Variants in TRIM71 observed in about 807,000 individuals in gnomAD.
TRIM71 encodes the protein tripartite motif containing 71, also known as E3 ubiquitin-protein ligase TRIM71.
In TRIM71, 9 loss-of-function variants were observed where a neutral mutation model predicts 61.2. That is an observed-to-expected ratio of 0.15 (90% CI 0.09 to 0.26). The LOEUF (loss-of-function observed/expected upper bound fraction) is 0.26, where lower values mean the gene tolerates loss of function less well. TRIM71 is among the 10% of genes least tolerant of loss of function. TRIM71 has a pLI of 1.00. For synonymous variants in TRIM71, 645 were observed against 553.2 expected (o/e 1.17, Z -2.33); for missense variants, 998 against 1,238.7 (o/e 0.81, Z 2.92).
intron 1 of TRIM71, among the ~76,000 whole-genome samples, chr3:32,858,107 G>T (rs1696627124): frequency 6.6e-6 from 1 of 152,178 alleles, no homozygotes; most frequent in African/African-American, 2.4e-5. Context: ...GTTTAGTCTT[G>T]CTGTCTTAGG....
intron 1 of TRIM71, among the ~76,000 whole-genome samples, chr3:32,856,898 A>G (rs1239560707): frequency 6.6e-6 from 1 of 152,116 alleles, no homozygotes; most frequent in Admixed American, 6.5e-5. Flanking sequence ...ATGTACTCTC[A>G]GGATGAATTC....
At chr3:32,850,644 T>A (rs1417347362) in intron 1 of TRIM71, among the ~76,000 whole-genome samples, 1 of 152,196 alleles carries the variant, frequency 6.6e-6, no homozygotes, top group Non-Finnish European at 1.5e-5. Context: ...AAAAATAACC[T>A]TTAAGGAAGA....
intron 1 of TRIM71, among the ~76,000 whole-genome samples, chr3:32,833,723 T>G (rs892294889): frequency 6.6e-6 from 1 of 151,526 alleles, no homozygotes; most frequent in Non-Finnish European, 1.5e-5. Flanking sequence ...TGACCTGACT[T>G]TTTTGTTTGA....
chr3:32,885,332 A>T (rs556014679), intron 2 of TRIM71, among the ~76,000 whole-genome samples: 8 of 152,332 alleles, frequency 5.3e-5, no homozygotes, highest in Non-Finnish European at 1.2e-4. Flanking sequence ...CGGCTGGTAC[A>T]GGGTGGCGTG....
Position 32,818,521 on chromosome 3 carries a change from C to T in TRIM71, c.441C>T (p.Ser147=), listed in dbSNP as rs866841727. ...CTCCGGCGGGAGCGGGCGGCCACAGCAACCACCGGCACCACGCTCACCACG... is the reference window on the plus strand; with the variant it reads ...CTCCGGCGGGAGCGGGCGGCCACAGTAACCACCGGCACCACGCTCACCACG... The part of the protein sequence containing the change: ...AGAPAGAGGH[S]NHRHHAHHAH... The change falls in exon 1 of 4, where the codon AGC becomes AGT. Residue 147 remains serine (S), a synonymous_variant. Coordinates refer to ENST00000383763, the MANE Select transcript of TRIM71 (RefSeq NM_001039111.3). The T allele has an allele frequency of 9.2e-6, 13 of 1,410,050 alleles. No homozygotes were observed. The African/African-American group carries it at 1.7e-4, about 18-fold the overall frequency. 87.3% of individuals were successfully genotyped at this position (1,410,050 alleles called of 1,614,324 possible).
chr3:32,874,324 TTACTACTACTACTACTACTAC>T (rs34214588), intron 2 of TRIM71, among the ~76,000 whole-genome samples: 5 of 121,488 alleles, frequency 4.1e-5, no homozygotes, highest in South Asian at 5.0e-4. Context: ...TTAATGCTTA[TTACTACTACTACTACTACTAC>T]TACTACTACT....
At chr3:32,833,206 AAAAAAAG>A (rs1696294867) in intron 1 of TRIM71, among the ~76,000 whole-genome samples, 2 of 149,782 alleles carry the variant, frequency 1.3e-5, no homozygotes, top group South Asian at 4.2e-4. Flanking sequence ...AAAAAAAAAA[AAAAAAAG>A]AGGCAGCTGT....
At chr3:32,821,790 G>GGCGGGCGCAGGTAGAGTCGCC (rs1429017981) in intron 1 of TRIM71, among the ~76,000 whole-genome samples, 5 of 151,242 alleles carry the variant, frequency 3.3e-5, no homozygotes, top group African/African-American at 1.2e-4. Context: ...TCCCGGGAGA[G>GGCGGGCGCAGGTAGAGTCGCC]GCGGGCGCAG....
intron 2 of TRIM71, among the ~76,000 whole-genome samples, chr3:32,879,266 A>G (rs547942705): frequency 1.6e-4 from 24 of 152,312 alleles, no homozygotes; most frequent in Non-Finnish European, 2.9e-4. Context: ...CATATCAGCA[A>G]TAAGTCTGTT....
At chr3:32,850,204 T>C (rs1190904503) in intron 1 of TRIM71, among the ~76,000 whole-genome samples, 2 of 152,000 alleles carry the variant, frequency 1.3e-5, no homozygotes, top group Non-Finnish European at 2.9e-5. Flanking sequence ...AAATCTAGGG[T>C]TTTCTATAGG....
chr3:32,830,905 G>T (rs1310227663), intron 1 of TRIM71, among the ~76,000 whole-genome samples: 5 of 152,122 alleles, frequency 3.3e-5, no homozygotes, highest in Non-Finnish European at 2.9e-5. Flanking sequence ...CTACCTCCTG[G>T]GTTCAAGCGA....
chr3:32,821,444 G>A (rs1696127766), intron 1 of TRIM71, among the ~76,000 whole-genome samples: 1 of 151,024 alleles, frequency 6.6e-6, no homozygotes, highest in Non-Finnish European at 1.5e-5. Context: ...CTCTCGCCCA[G>A]GGGGACTTTC....
In TRIM71 at chr3:32,818,393, G is replaced by A; in HGVS notation, c.313G>A (p.Gly105Ser). 6.1e-6 allele frequency: 9 copies of A among 1,479,116 alleles called. No individual in the cohort carries two copies. The highest frequency in any genetic ancestry group is 7.1e-6 in the Non-Finnish European group (8 of 1,119,478). The allele number at this position is 1,479,116 out of a possible 1,614,324, so 91.6% of individuals were successfully genotyped here. A position where few individuals can be genotyped will look rare whatever the true frequency, so the allele number is the denominator to read the frequency against. ...DQKVVLAEAA[G>S]MDALPSSAFL... is the part of the protein sequence containing the mutation. Reference sequence around the variant, plus strand: ...GAAAGTAGTGCTAGCCGAGGCGGCGGGTATGGACGCGCTGCCTTCGTCCGC... The same window carrying A: ...GAAAGTAGTGCTAGCCGAGGCGGCGAGTATGGACGCGCTGCCTTCGTCCGC... Residue 105 changes from glycine (G) to serine (S), a missense_variant, in exon 1 of 4, where the codon GGT becomes AGT. Gly to Ser is a moderately conservative substitution (Grantham distance 56). Coordinates refer to ENST00000383763, the MANE Select transcript of TRIM71 (RefSeq NM_001039111.3).
At chr3:32,882,820 G>A (rs1696924260) in intron 2 of TRIM71, among the ~76,000 whole-genome samples, 1 of 152,190 alleles carries the variant, frequency 6.6e-6, no homozygotes, top group Admixed American at 6.5e-5. Context: ...GGGATTACAG[G>A]TGTGAGCCAC....
At chr3:32,872,302 AT>A (rs1696805139) in intron 1 of TRIM71, among the ~76,000 whole-genome samples, 1 of 152,172 alleles carries the variant, frequency 6.6e-6, no homozygotes, top group Non-Finnish European at 1.5e-5. Flanking sequence ...CCCATCCTAG[AT>A]TACACACTTC....
intron 1 of TRIM71, among the ~76,000 whole-genome samples, chr3:32,867,232 A>G (rs1399437082): frequency 1.3e-5 from 2 of 152,006 alleles, no homozygotes; most frequent in Admixed American, 6.6e-5. Context: ...TAGCCTGGGA[A>G]TGAATCTTGT....
intron 1 of TRIM71, among the ~76,000 whole-genome samples, chr3:32,847,273 C>T (rs13318340): frequency 0.25 from 38,255 of 150,278 alleles, 5,688 homozygotes; most frequent in African/African-American, 0.41. Flanking sequence ...CTCAGCACAC[C>T]GCAACCTCCG....
At chr3:32,838,891 C>G (rs1442950171) in intron 1 of TRIM71, among the ~76,000 whole-genome samples, 1 of 152,164 alleles carries the variant, frequency 6.6e-6, no homozygotes, top group African/African-American at 2.4e-5. Flanking sequence ...ACCTCCTCCT[C>G]CCGGGTTCAA....
chr3:32,863,098 G>A (rs1696691878), intron 1 of TRIM71, among the ~76,000 whole-genome samples: 1 of 151,838 alleles, frequency 6.6e-6, no homozygotes, highest in African/African-American at 2.4e-5. Flanking sequence ...AGAGTGCTGC[G>A]CTGTGGCCAA....
Sources: gnomAD v4.1 joint callset for allele counts (sites outside exome capture counted in the v4.1 genomes callset) on GRCh38, gnomAD v4.1.1 for gene constraint, MANE v1.5 for transcripts, NCBI Gene and HGNC (gene_info 2026-07-23, HGNC 2026-07-21) for gene names.